SERPINI1: variants seen among roughly 807,000 people sequenced by gnomAD.
SERPINI1 encodes the protein serpin family I member 1.
Under a neutral mutation model 41.1 loss-of-function variants are expected in SERPINI1, and 19 were observed. The observed-to-expected ratio is 0.46, with a 90% confidence interval of 0.32 to 0.68. The LOEUF is 0.68. Ranked by LOEUF, SERPINI1 falls within the 30% of genes least tolerant of loss-of-function variation. The pLI is 0.03. For missense variants in SERPINI1, 460 were observed against 479.2 expected (o/e 0.96, Z 0.37); for synonymous variants, 138 against 156.6 (o/e 0.88, Z 0.89).
At chr3:167,758,389 C>T (rs1361936663) in intron 1 of SERPINI1, among the ~76,000 whole-genome samples, 2 of 152,094 alleles carry the variant, frequency 1.3e-5, no homozygotes, top group Non-Finnish European at 2.9e-5. Flanking sequence ...CTATGAGTCT[C>T]TACTGACACA....
chr3:167,792,695 C>G lies in SERPINI1; in HGVS notation c.587C>G (p.Pro196Arg). Reference protein sequence around the residue: ...FKGNWKSQFRPENTRTFSFTK... With the variant: ...FKGNWKSQFRRENTRTFSFTK... ...GGGAACTGGAAGTCGCAGTTTAGGC[C>G]TGAAAATACTAGAACCTTTTCTTTC... Residue 196 changes from proline to arginine, a missense_variant, in exon 4 of 9, where the codon CCT becomes CGT. By Grantham distance (103) the Pro-to-Arg change is moderately radical. Transcript: ENST00000446050. 6.2e-7 allele frequency: 1 copy of G among 1,613,776 alleles called. No individual in the cohort carries two copies. Among genetic ancestry groups the G allele is most frequent in the Non-Finnish European group, 8.5e-7 (1 of 1,179,858 alleles).
At chr3:167,765,631 T>G (rs866921961) in intron 1 of SERPINI1, among the ~76,000 whole-genome samples, 4 of 152,364 alleles carry the variant, frequency 2.6e-5, no homozygotes, top group Admixed American at 6.5e-5. Context: ...TTGTTACTTA[T>G]GCAGATTTCT....
intron 1 of SERPINI1, among the ~76,000 whole-genome samples, chr3:167,744,558 T>C (rs1415728036): frequency 6.8e-6 from 1 of 146,862 alleles, no homozygotes; most frequent in Non-Finnish European, 1.5e-5. Context: ...GAAAAAGTAA[T>C]GCTACACTTT....
At chr3:167,822,902 A>T in intron 6 of SERPINI1, 84 bp from the exon 7 acceptor site, 1 of 768,910 alleles carries the variant, frequency 1.3e-6, no homozygotes, top group African/African-American at 1.7e-5. Flanking sequence ...AGTCTCTTAG[A>T]TCTCTAAAAT....
At chr3:167,815,948 C>T (rs1171500167) in intron 6 of SERPINI1, among the ~76,000 whole-genome samples, 2 of 152,156 alleles carry the variant, frequency 1.3e-5, no homozygotes, top group African/African-American at 2.4e-5. Flanking sequence ...CGTATGTGGC[C>T]TTTGCACTTT....
At position 167,789,179 on chromosome 3, in the gene SERPINI1, A is replaced by G. The variant is rs34582040; in HGVS notation, c.51A>G (p.Thr17=). ...FSLLVLQSMA[T]GATFPEEAIA... is the part of the protein sequence containing the mutation. ...TGCTGGTTCTGCAAAGTATGGCTAC[A>G]GGGGCCACTTTCCCTGAGGAAGCCA... is the stretch of plus-strand genomic sequence containing the variant. Residue 17 remains threonine, a synonymous_variant, in exon 2 of 9, where the codon ACA becomes ACG. Transcript: ENST00000446050. 0.097 allele frequency: 156,999 copies of G among 1,613,712 alleles called. 8,655 individuals carry two copies. The highest frequency in any genetic ancestry group is 0.21 in the African/African-American group (15,678 of 75,002).
At chr3:167,814,474 T>C (rs985764614) in intron 6 of SERPINI1, among the ~76,000 whole-genome samples, 4 of 152,192 alleles carry the variant, frequency 2.6e-5, no homozygotes, top group African/African-American at 9.7e-5. Flanking sequence ...ACAGAGACAC[T>C]TTTGGTATGC....
chr3:167,791,929 A>G, intron 3 of SERPINI1, among the ~76,000 whole-genome samples: 1 of 152,198 alleles, frequency 6.6e-6, no homozygotes, highest in East Asian at 1.9e-4. Context: ...GTTTGTGACC[A>G]GCCTGGCTGA....
chr3:167,752,027 G>T (rs906365101), intron 1 of SERPINI1, among the ~76,000 whole-genome samples: 1 of 152,132 alleles, frequency 6.6e-6, no homozygotes, highest in Non-Finnish European at 1.5e-5. Context: ...TGAAATACAG[G>T]TTTGTTTTGA....
At chr3:167,802,795 A>G (rs1711503277) in intron 5 of SERPINI1, among the ~76,000 whole-genome samples, 3 of 150,622 alleles carry the variant, frequency 2.0e-5, no homozygotes, top group South Asian at 4.3e-4. Flanking sequence ...CCAAAGGACT[A>G]TAAATCATGC....
intron 1 of SERPINI1, among the ~76,000 whole-genome samples, chr3:167,764,553 G>T (rs968448735): frequency 2.0e-5 from 3 of 152,196 alleles, no homozygotes; most frequent in African/African-American, 7.2e-5. Context: ...GGGAATTCAA[G>T]ATGAGATTTG....
At position 167,810,839 on chromosome 3, in the gene SERPINI1, T is replaced by C. The variant is rs145865016; in HGVS notation, c.979+3498T>C. On this transcript the variant is annotated intron_variant, in intron 6 of 8. Transcript: ENST00000446050. ...AGTCCTTTCAAACCCTACCACTGCT[T>C]TATCAACTAAGTTTCTGTCATAGTT... 2.2e-3 allele frequency among the ~76,000 whole-genome samples: 336 copies of C among 152,336 alleles called. 3 individuals carry two copies. Among genetic ancestry groups the C allele is most frequent in the African/African-American group, 7.7e-3 (321 of 41,570 alleles).
chr3:167,814,891 T>C lies in SERPINI1; in HGVS notation c.979+7550T>C, dbSNP rs181814436. ...AGTAGGACCAGTCATTTGGCAGCACTGTCTGCTGTGGCCAGAAGGAAAAGG... is the reference window on the plus strand; with the variant it reads ...AGTAGGACCAGTCATTTGGCAGCACCGTCTGCTGTGGCCAGAAGGAAAAGG... On this transcript the variant is annotated intron_variant, in intron 6 of 8. Coordinates refer to ENST00000446050, the MANE Select transcript of SERPINI1 (RefSeq NM_001122752.2). Among the ~76,000 whole-genome samples the C allele has an allele frequency of 2.6e-3, 394 of 151,814 alleles. 2 individuals carry two copies. The highest frequency in any genetic ancestry group is 9.4e-3 in the African/African-American group (385 of 41,082).
chr3:167,815,532 G>T (rs1470411388), intron 6 of SERPINI1, among the ~76,000 whole-genome samples: 1 of 151,950 alleles, frequency 6.6e-6, no homozygotes, highest in Non-Finnish European at 1.5e-5. Flanking sequence ...TGCTATTACA[G>T]GTGCATGCCA....
chr3:167,785,912 C>G (rs892859701), intron 1 of SERPINI1, among the ~76,000 whole-genome samples: 1 of 152,222 alleles, frequency 6.6e-6, no homozygotes, highest in Non-Finnish European at 1.5e-5. Context: ...GTCTTACACA[C>G]TTATTGCCTA....
intron 1 of SERPINI1, among the ~76,000 whole-genome samples, chr3:167,775,225 TTTATTATTATTATTATTATTATTA>T (rs558261774): frequency 2.2e-5 from 3 of 134,346 alleles, no homozygotes; most frequent in Non-Finnish European, 3.1e-5. Context: ...GAAGTGTCAC[TTTATTATTATTATTATTATTATTA>T]TTATTATTAT....
intron 1 of SERPINI1, among the ~76,000 whole-genome samples, chr3:167,774,944 A>G (rs1726913292): frequency 6.6e-6 from 1 of 152,104 alleles, no homozygotes; most frequent in South Asian, 2.1e-4. Context: ...AAAAAAGCAA[A>G]AAAGGACAAA....
chr3:167,807,889 G>C (rs1035947147), intron 6 of SERPINI1, among the ~76,000 whole-genome samples: 1 of 152,044 alleles, frequency 6.6e-6, no homozygotes. Context: ...GGCTGAGGTG[G>C]GGGGATCACC....
At chr3:167,804,307 G>A (rs530737976) in intron 5 of SERPINI1, among the ~76,000 whole-genome samples, 11 of 152,024 alleles carry the variant, frequency 7.2e-5, no homozygotes, top group Middle Eastern at 6.8e-3. Flanking sequence ...TTTGTTTACC[G>A]CCATCATTTC....
Sources: gnomAD v4.1 joint callset for allele counts (sites outside exome capture counted in the v4.1 genomes callset) on GRCh38, gnomAD v4.1.1 for gene constraint, MANE v1.5 for transcripts, NCBI Gene and HGNC (gene_info 2026-07-23, HGNC 2026-07-21) for gene names.